Variants in MAGI2 observed in about 807,000 individuals in gnomAD.
The protein encoded by MAGI2 is membrane-associated guanylate kinase, WW and PDZ domain-containing protein 2.
A neutral mutation model predicts 133.3 loss-of-function variants in MAGI2; 35 were observed. The ratio of observed to expected loss-of-function variants is 0.26; its 90% CI spans 0.20 to 0.35. The LOEUF is 0.35. Among genes scored for constraint, MAGI2 ranks in the 10% least tolerant of loss-of-function variants. The pLI is 1.00. For synonymous variants in MAGI2, 729 were observed against 710.6 expected (o/e 1.03, Z -0.41); for missense variants, 1,636 against 1,863.4 (o/e 0.88, Z 2.25).
intron 21 of MAGI2, among the ~76,000 whole-genome samples, chr7:78,069,539 G>GATT (rs59893814): frequency 7.4e-6 from 1 of 134,644 alleles, no homozygotes; most frequent in South Asian, 2.6e-4. Flanking sequence ...GAAAGAGAGA[G>GATT]GAGAGAGAGA....
chr7:78,496,943 T>C (rs1187778167), intron 5 of MAGI2, among the ~76,000 whole-genome samples: 1 of 152,218 alleles, frequency 6.6e-6, no homozygotes, highest in Non-Finnish European at 1.5e-5. Context: ...CCTGGCTATG[T>C]CTGACTTTTT....
chr7:78,342,924 G>C (rs1346628407), intron 9 of MAGI2, among the ~76,000 whole-genome samples: 2 of 152,102 alleles, frequency 1.3e-5, no homozygotes, highest in Non-Finnish European at 2.9e-5. Flanking sequence ...AAACCTGCTC[G>C]TTCTGCACAT....
At chr7:78,949,676 C>G (rs1196534870) in intron 2 of MAGI2, among the ~76,000 whole-genome samples, 1 of 152,194 alleles carries the variant, frequency 6.6e-6, no homozygotes, top group Non-Finnish European at 1.5e-5. Context: ...TGAAAACCAG[C>G]TACCAAGTGT....
At chr7:78,057,118 C>T (rs1019126757) in intron 21 of MAGI2, among the ~76,000 whole-genome samples, 16 of 150,120 alleles carry the variant, frequency 1.1e-4, no homozygotes, top group African/African-American at 3.9e-4. Context: ...TATGGTAATT[C>T]CATATTTAAT....
intron 1 of MAGI2, among the ~76,000 whole-genome samples, chr7:79,356,630 A>G (rs893363318): frequency 6.6e-6 from 1 of 152,184 alleles, no homozygotes; most frequent in Non-Finnish European, 1.5e-5. Context: ...AGATTAAGTG[A>G]TACTATCTTA....
intron 1 of MAGI2, among the ~76,000 whole-genome samples, chr7:79,106,990 C>T (rs558150978): frequency 4.6e-5 from 7 of 152,318 alleles, no homozygotes; most frequent in African/African-American, 1.7e-4. Flanking sequence ...GTAATTTACT[C>T]TGGTAGACCA....
chr7:79,001,340 T>A (rs886224366), intron 2 of MAGI2, among the ~76,000 whole-genome samples: 2 of 152,228 alleles, frequency 1.3e-5, no homozygotes, highest in Non-Finnish European at 1.5e-5. Context: ...TAAAACTGTC[T>A]CACCAAATGA....
intron 3 of MAGI2, among the ~76,000 whole-genome samples, chr7:78,593,574 C>T (rs1804274740): frequency 6.6e-6 from 1 of 152,078 alleles, no homozygotes; most frequent in African/African-American, 2.4e-5. Context: ...ATTTTGTTAA[C>T]CAAGAAGGAA....
intron 6 of MAGI2, chr7:78,484,619 C>A (rs1170188100): frequency 6.6e-6 from 1 of 151,950 alleles, no homozygotes; most frequent in East Asian, 1.9e-4. Context: ...TGGATTTGTT[C>A]ATTTCCATTT....
At chr7:78,661,242 C>CTT (rs33950825) in intron 2 of MAGI2, among the ~76,000 whole-genome samples, 163 of 151,344 alleles carry the variant, frequency 1.1e-3, no homozygotes, top group African/African-American at 3.7e-3. Context: ...CTAGTCCTCA[C>CTT]TTCTTGCTAT....
chr7:78,046,233 T>TA (rs59275049), intron 21 of MAGI2, among the ~76,000 whole-genome samples: 11,211 of 117,744 alleles, frequency 0.095, 616 homozygotes, highest in African/African-American at 0.18. Context: ...CTGTCTCTAC[T>TA]AAAAAAAAAA....
At chr7:78,814,786 A>T (rs1327601894) in intron 2 of MAGI2, among the ~76,000 whole-genome samples, 1 of 152,132 alleles carries the variant, frequency 6.6e-6, no homozygotes, top group East Asian at 1.9e-4. Flanking sequence ...GCAGTGCTGC[A>T]ATCATGGCTC....
chr7:79,196,297 CT>C (rs202021831), intron 1 of MAGI2, among the ~76,000 whole-genome samples: 4,083 of 151,782 alleles, frequency 0.027, 87 homozygotes, highest in East Asian at 0.04. Context: ...TACAAATATT[CT>C]TTTTTTTACT....
At chr7:79,267,010 T>A (rs1224145985) in intron 1 of MAGI2, among the ~76,000 whole-genome samples, 1 of 152,106 alleles carries the variant, frequency 6.6e-6, no homozygotes, top group Non-Finnish European at 1.5e-5. Flanking sequence ...TGAACTTTGA[T>A]CATCTTTGTT....
intron 5 of MAGI2, among the ~76,000 whole-genome samples, chr7:78,496,121 A>G (rs1794067076): frequency 6.6e-6 from 1 of 152,164 alleles, no homozygotes; most frequent in South Asian, 2.1e-4. Flanking sequence ...GTAATTGGTA[A>G]TTTAATTAAA....
At chr7:78,645,123 TGTGTGTGTATGTCA>T (rs1246610641) in intron 2 of MAGI2, among the ~76,000 whole-genome samples, 1 of 152,144 alleles carries the variant, frequency 6.6e-6, no homozygotes, top group Admixed American at 6.6e-5. Context: ...TGTGTGTGTG[TGTGTGTGTATGTCA>T]GTGTGTGTCT....
intron 1 of MAGI2, among the ~76,000 whole-genome samples, chr7:79,106,782 T>C (rs1171639333): frequency 6.6e-6 from 1 of 152,240 alleles, no homozygotes; most frequent in Non-Finnish European, 1.5e-5. Flanking sequence ...AATATCACTG[T>C]TCTTGCTTAT....
At chr7:78,283,660 G>A (rs955932098) in intron 9 of MAGI2, among the ~76,000 whole-genome samples, 3 of 151,982 alleles carry the variant, frequency 2.0e-5, no homozygotes, top group Admixed American at 2.0e-4. Flanking sequence ...GGAGAGAATG[G>A]CTAGGAAATT....
intron 2 of MAGI2, among the ~76,000 whole-genome samples, chr7:78,833,978 T>A (rs580937): frequency 2.0e-5 from 3 of 152,042 alleles, no homozygotes. Flanking sequence ...AACGTGAAAG[T>A]CATTATTATG....
Sources: gnomAD v4.1 joint callset for allele counts (sites outside exome capture counted in the v4.1 genomes callset) on GRCh38, gnomAD v4.1.1 for gene constraint, MANE v1.5 for transcripts, NCBI Gene and HGNC (gene_info 2026-07-23, HGNC 2026-07-21) for gene names.